Variants in MAP1A observed in about 807,000 individuals in gnomAD.
MAP1A encodes microtubule associated protein 1A.
In MAP1A, 42 loss-of-function variants were observed where a neutral mutation model predicts 185.9. That is an observed-to-expected ratio of 0.23 (90% CI 0.18 to 0.29). The LOEUF (loss-of-function observed/expected upper bound fraction) is 0.29, where lower values mean the gene tolerates loss of function less well. Ranked by LOEUF, MAP1A falls within the 10% of genes least tolerant of loss-of-function variation. The pLI, the probability that MAP1A is intolerant of heterozygous loss-of-function variation, is 1.00. For synonymous variants in MAP1A, 1,229 were observed against 1,335.9 expected (o/e 0.92, Z 1.74); for missense variants, 2,995 against 3,450.4 (o/e 0.87, Z 3.31).
rs1057228408 is a variant in MAP1A, at chr15:43,511,179, T to A, written c.191T>A (p.Ile64Asn). ...TCTTTGCTAATTGTGATCGGCGATA[T>A]CGGTACAGAGAGTCAGCTGAGGGCC... The change falls in exon 1 of 7, where the codon ATC (isoleucine) becomes AAC (asparagine). Residue 64 changes from isoleucine (I) to asparagine (N), a missense_variant. Coordinates refer to the MAP1A transcript ENST00000382031. 1.9e-6 allele frequency: 3 copies of A among 1,550,404 alleles called. No homozygotes were observed. In the African/African-American group the frequency reaches 4.1e-5, roughly 21 times the overall value.
intron 1 of MAP1A, chr15:43,511,264 C>A: frequency 6.7e-7 from 1 of 1,484,246 alleles, no homozygotes; most frequent in Non-Finnish European, 9.2e-7. Flanking sequence ...GGCATCTCTA[C>A]CCTGTGCTTC....
At position 43,521,013 on chromosome 15, in the gene MAP1A, A is replaced by C. The variant is rs879440389; in HGVS notation, c.-250A>C. 16 of 1,549,830 alleles carry C rather than the reference A, an allele frequency of 1.0e-5. No individual in the cohort carries two copies. The Admixed American group carries it at 2.9e-4, about 28-fold the overall frequency. ...GCAGCTCATCAGCTTATAAACTACT[A>C]ATCTTGAGTGGGCAAAGTTTAGAGC... On this transcript the variant is annotated 5_prime_UTR_variant, in exon 3 of 6. Coordinates refer to ENST00000300231, the MANE Select transcript of MAP1A (RefSeq NM_002373.6). The surrounding 1 kb of genome is among the most constrained non-coding windows in gnomAD (Gnocchi z 4.6).
At position 43,524,929 on chromosome 15, in the gene MAP1A, C is replaced by G. The variant is rs377389033; in HGVS notation, c.3456C>G (p.Ser1152=). 6.2e-7 allele frequency: 1 copy of G among 1,614,082 alleles called. No homozygotes were observed. The highest frequency in any genetic ancestry group is 1.1e-5 in the South Asian group (1 of 91,072). ...DRSLSPEDAE[S]LSVLSVPSPD... is the part of the protein sequence containing the mutation. ...GCCTCTCTCCTGAAGATGCAGAATC[C>G]CTCTCTGTCCTCAGCGTGCCCTCCC... Residue 1152 remains serine, a synonymous_variant, in exon 4 of 6, where the codon TCC becomes TCG. Transcript: ENST00000300231.
At position 43,526,753 on chromosome 15, in the gene MAP1A, A is replaced by C; in HGVS notation, c.5280A>C (p.Glu1760Asp). The change falls in exon 4 of 6, where the codon GAA becomes GAC. Residue 1760 changes from glutamate (E) to aspartate (D), a missense_variant. By Grantham distance (45) the Glu-to-Asp change is conservative. Transcript: ENST00000300231. The surrounding 1 kb of genome is among the most constrained non-coding windows in gnomAD (Gnocchi z 4.7). ...CCTCAGACTTCAAGGATTTCCAGGAATCCTCACCACAGAAGGGGCTAGAGG... is the reference window on the plus strand; with the variant it reads ...CCTCAGACTTCAAGGATTTCCAGGACTCCTCACCACAGAAGGGGCTAGAGG... ...PWASDFKDFQ[E>D]SSPQKGLEVE... is the part of the protein sequence containing the mutation. 1 of 1,614,164 alleles carries C rather than the reference A, an allele frequency of 6.2e-7. No homozygotes were observed. The highest frequency in any genetic ancestry group is 1.3e-5 in the African/African-American group (1 of 75,050).
rs759387461 is a variant in MAP1A, at chr15:43,529,292, C to T, written c.7819C>T (p.Arg2607Cys). ...GGAAAAGGTTCAGGGGCGAGTAGGGCGCAGGGCCCCAGGCAAGGCCAAGCC... is the reference window on the plus strand; with the variant it reads ...GGAAAAGGTTCAGGGGCGAGTAGGGTGCAGGGCCCCAGGCAAGGCCAAGCC... Reference protein sequence around the residue: ...EKEKVQGRVGRRAPGKAKPAS... With the variant: ...EKEKVQGRVGCRAPGKAKPAS... Residue 2607 changes from arginine (R) to cysteine (C), a missense_variant, in exon 4 of 6, where the codon CGC becomes TGC. Around this residue, in one of 3 missense-constraint regions of MAP1A, gnomAD observed 2,728 missense variants for 2,986.0 expected, o/e 0.91. Coordinates refer to ENST00000300231, the MANE Select transcript of MAP1A (RefSeq NM_002373.6). This position sits in a 1 kb window ranked among gnomAD's most constrained non-coding sequence, Gnocchi z 4.3. 1.4e-5 allele frequency: 22 copies of T among 1,613,624 alleles called. No homozygotes were observed. Among genetic ancestry groups the T allele is most frequent in the East Asian group, 2.2e-5 (1 of 44,840 alleles).
chr15:43,524,882 G>T lies in MAP1A; in HGVS notation c.3409G>T (p.Val1137Leu), dbSNP rs2079336005. 1 of 1,614,090 alleles carries T rather than the reference G, an allele frequency of 6.2e-7. No homozygotes were observed. Among genetic ancestry groups the T allele is most frequent in the South Asian group, 1.1e-5 (1 of 91,086 alleles). ...ACCTGGCAAACCTCAGAAAGATGAG[G>T]TGCTCAGATATCCTGACCGAAGCCT... ...QEPGKPQKDE[V>L]LRYPDRSLSP... The change falls in exon 4 of 6, where the codon GTG (valine) becomes TTG (leucine). Residue 1137 changes from valine to leucine, a missense_variant. Transcript: ENST00000300231.
At chr15:43,515,573 G>A (rs1566975734), upstream of MAP1A, among the ~76,000 whole-genome samples, 2 of 152,216 alleles carry the variant, frequency 1.3e-5, no homozygotes, top group Non-Finnish European at 2.9e-5. Context: ...AAGACTTCCA[G>A]TGGCATTTGT....
Position 43,525,253 on chromosome 15 carries a change from A to G in MAP1A, c.3780A>G (p.Ala1260=), listed in dbSNP as rs1233698583. 1.2e-6 allele frequency: 2 copies of G among 1,614,204 alleles called. No individual in the cohort carries two copies. Among genetic ancestry groups the G allele is most frequent in the Admixed American group, 1.7e-5 (1 of 60,026 alleles). ...CCATGTCTGTTCCAGAGCCCCATGC[A>G]GCCACAGCGTCACCTCCCACAGATG... ...TAPMSVPEPH[A]ATASPPTDGT... The change falls in exon 4 of 6, where the codon GCA becomes GCG. Residue 1260 remains alanine (A), a synonymous_variant. Transcript: ENST00000300231.
rs1316141720 is a variant in MAP1A at position 43,529,827 on chromosome 15, A to G, written c.8213A>G (p.Asp2738Gly). ...GGCGAGCCAAGCCGGGCTGTGCTGG[A>G]TGCCCTGCTGGAGGGCAAGGCCCAG... ...ANGEPSRAVL[D>G]ALLEGKAQWG... Residue 2738 changes from aspartate (D) to glycine (G), a missense_variant, in exon 5 of 6, where the codon GAT becomes GGT. Around this residue, in one of 3 missense-constraint regions of MAP1A, gnomAD observed 2,728 missense variants for 2,986.0 expected, o/e 0.91. Coordinates refer to ENST00000300231, the MANE Select transcript of MAP1A (RefSeq NM_002373.6). This position sits in a 1 kb window ranked among gnomAD's most constrained non-coding sequence, Gnocchi z 4.3. 3 of 1,614,070 alleles carry G rather than the reference A, an allele frequency of 1.9e-6. No individual in the cohort carries two copies. The highest frequency in any genetic ancestry group is 3.3e-5 in the Admixed American group (2 of 60,028).
chr15:43,528,137 A>G lies in MAP1A; in HGVS notation c.6664A>G (p.Lys2222Glu), dbSNP rs763503393. 3.7e-6 allele frequency: 6 copies of G among 1,613,908 alleles called. No individual in the cohort carries two copies. The highest frequency in any genetic ancestry group is 4.2e-6 in the Non-Finnish European group (5 of 1,179,996). The change falls in exon 4 of 6, where the codon AAG becomes GAG. Residue 2222 changes from lysine (K) to glutamate (E), a missense_variant. Lys to Glu is a moderately conservative substitution (Grantham distance 56, BLOSUM62 1). Coordinates refer to ENST00000300231, the MANE Select transcript of MAP1A (RefSeq NM_002373.6). ...TRHDEYLEVT[K>E]APSLDSSLPQ... ...GCATGATGAATACCTGGAAGTGACC[A>G]AGGCCCCCAGCCTGGATTCCTCACT...
rs1298712919 is a variant in MAP1A, at chr15:43,527,419, A to C, written c.5946A>C (p.Ala1982=). The C allele has an allele frequency of 6.2e-7, 1 of 1,614,184 alleles. No individual in the cohort carries two copies. Among genetic ancestry groups the C allele is most frequent in the Admixed American group, 1.7e-5 (1 of 60,032 alleles). Residue 1982 remains alanine, a synonymous_variant, in exon 4 of 6, where the codon GCA becomes GCC. Transcript: ENST00000300231. ...TGATGCTTACTGGGCTTGGCCCTGC[A>C]TGCCCCACTAGAGAGCCTCCACTTG... The part of the protein sequence containing the change: ...EQMMLTGLGP[A]CPTREPPLGA...
upstream of MAP1A, among the ~76,000 whole-genome samples, chr15:43,513,330 GAA>G (rs764493122): frequency 7.8e-6 from 1 of 128,430 alleles, no homozygotes. Flanking sequence ...TCCATCTCAG[GAA>G]AAAAAAAAAA....
chr15:43,528,141 C>G lies in MAP1A; in HGVS notation c.6668C>G (p.Ala2223Gly), dbSNP rs2079354151. The change falls in exon 4 of 6, where the codon GCC becomes GGC. Residue 2223 changes from alanine to glycine, a missense_variant. Physicochemically the swap from Ala to Gly is moderately conservative, Grantham distance 60. Around this residue, in one of 3 missense-constraint regions of MAP1A, gnomAD observed 2,728 missense variants for 2,986.0 expected, o/e 0.91. Coordinates refer to ENST00000300231, the MANE Select transcript of MAP1A (RefSeq NM_002373.6). ...GATGAATACCTGGAAGTGACCAAGG[C>G]CCCCAGCCTGGATTCCTCACTGCCC... The part of the protein sequence containing the change: ...RHDEYLEVTK[A>G]PSLDSSLPQL... 6.2e-7 allele frequency: 1 copy of G among 1,614,116 alleles called. No individual in the cohort carries two copies. The highest frequency in any genetic ancestry group is 8.5e-7 in the Non-Finnish European group (1 of 1,180,022).
rs1427889322 is a variant in MAP1A, at chr15:43,524,655, A to G, written c.3182A>G (p.Glu1061Gly). The G allele has an allele frequency of 6.2e-7, 1 of 1,614,150 alleles. No homozygotes were observed. The highest frequency in any genetic ancestry group is 1.3e-5 in the African/African-American group (1 of 75,020). ...CCTGAAGAGGGCACACTAGAGAAGGAAGAGAAAGTTCCTCCTCCCAGGAGC... is the reference window on the plus strand; with the variant it reads ...CCTGAAGAGGGCACACTAGAGAAGGGAGAGAAAGTTCCTCCTCCCAGGAGC... ...PGPEEGTLEK[E>G]EKVPPPRSPQ... is the part of the protein sequence containing the mutation. Residue 1061 changes from glutamate to glycine, a missense_variant, in exon 4 of 6, where the codon GAA becomes GGA. Coordinates refer to ENST00000300231, the MANE Select transcript of MAP1A (RefSeq NM_002373.6).
Position 43,524,384 on chromosome 15 carries a change from C to T in MAP1A, c.2911C>T (p.His971Tyr), listed in dbSNP as rs374060661. Residue 971 changes from histidine to tyrosine, a missense_variant, in exon 4 of 6, where the codon CAT (histidine) becomes TAT (tyrosine). By Grantham distance (83) the His-to-Tyr change is moderately conservative (BLOSUM62 2). Coordinates refer to ENST00000300231, the MANE Select transcript of MAP1A (RefSeq NM_002373.6). Reference sequence around the variant, plus strand: ...GTTTAGTGCCCCTGGGCATGCCCTACATCCAGGAGAACCAGCCCTTGGAGA... The same window carrying T: ...GTTTAGTGCCCCTGGGCATGCCCTATATCCAGGAGAACCAGCCCTTGGAGA... ...PVFSAPGHAL[H>Y]PGEPALGEAE... 1.9e-6 allele frequency: 3 copies of T among 1,614,118 alleles called. No individual in the cohort carries two copies. The highest frequency in any genetic ancestry group is 1.1e-5 in the South Asian group (1 of 91,096).
rs148897210 is a variant in MAP1A at position 43,528,888 on chromosome 15, G to A, written c.7415G>A (p.Arg2472Gln). 1.1e-5 allele frequency: 18 copies of A among 1,613,312 alleles called. 1 individual carries two copies. Among genetic ancestry groups the A allele is most frequent in the South Asian group, 6.6e-5 (6 of 91,082 alleles). Residue 2472 changes from arginine (R) to glutamine (Q), a missense_variant, in exon 4 of 6, where the codon CGG becomes CAG. This residue lies in a region of MAP1A where 2,728 missense variants were observed against 2,986.0 expected (regional missense o/e 0.91). Coordinates refer to ENST00000300231, the MANE Select transcript of MAP1A (RefSeq NM_002373.6). ...AGGGACCTCTCAACTGAGGAAGTTC[G>A]GCTAGTAGGAAGAGGGGGGCGGCGC... is the stretch of plus-strand genomic sequence containing the variant. ...DDRDLSTEEV[R>Q]LVGRGGRRRV...
upstream of MAP1A, chr15:43,517,554 C>A: frequency 3.8e-6 from 1 of 262,580 alleles, no homozygotes. Flanking sequence ...TCTTCCCCGC[C>A]CTGGCGCCGC....
Position 43,529,397 on chromosome 15 carries a change from C to G in MAP1A, c.7924C>G (p.Arg2642Gly). ...PGKGPADRAS[R>G]APPRPRSTTS... is the part of the protein sequence containing the mutation. ...TAAAGGGCCTGCAGATCGAGCATCC[C>G]GGGCCCCACCTCGACCACGCAGCAC... The change falls in exon 4 of 6, where the codon CGG (arginine) becomes GGG (glycine). Residue 2642 changes from arginine to glycine, a missense_variant. By Grantham distance (125) the Arg-to-Gly change is moderately radical. Coordinates refer to ENST00000300231, the MANE Select transcript of MAP1A (RefSeq NM_002373.6). The surrounding 1 kb of genome is among the most constrained non-coding windows in gnomAD (Gnocchi z 4.3). The G allele has an allele frequency of 6.2e-7, 1 of 1,613,868 alleles. No homozygotes were observed. Among genetic ancestry groups the G allele is most frequent in the Non-Finnish European group, 8.5e-7 (1 of 1,180,016 alleles).
At chr15:43,513,292 A>G (rs1468467918), upstream of MAP1A, among the ~76,000 whole-genome samples, 1 of 151,536 alleles carries the variant, frequency 6.6e-6, no homozygotes, top group Non-Finnish European at 1.5e-5. Flanking sequence ...GTGCCATTGC[A>G]CTCCAGCCTG....
Sources: gnomAD v4.1 joint callset for allele counts (sites outside exome capture counted in the v4.1 genomes callset) on GRCh38, gnomAD v4.1.1 for gene constraint, gnomAD v4.1.1 regional missense constraint, Gnocchi (gnomAD v3.1) non-coding constraint, MANE v1.5 for transcripts, NCBI Gene and HGNC (gene_info 2026-07-23, HGNC 2026-07-21) for gene names.